Variants in PCDH7 observed in about 807,000 individuals in gnomAD.
PCDH7 encodes the protein protocadherin 7.
PCDH7 carries 17 observed loss-of-function variants against 58.9 expected under a neutral mutation model. That is an observed-to-expected ratio of 0.29 (90% CI 0.20 to 0.43). The LOEUF is 0.43. PCDH7 is among the 20% of genes least tolerant of loss of function. The probability of loss-of-function intolerance (pLI) is 1.00; values close to 1 mark genes in which losing one functional copy is unlikely to be tolerated. For missense variants in PCDH7, 1,274 were observed against 1,441.0 expected (o/e 0.88, Z 1.88); for synonymous variants, 664 against 616.4 (o/e 1.08, Z -1.14).
At chr4:31,066,813 T>G (rs2109246256) in intron 3 of PCDH7, among the ~76,000 whole-genome samples, 1 of 152,098 alleles carries the variant, frequency 6.6e-6, no homozygotes, top group African/African-American at 2.4e-5. Context: ...CCTTTAACTC[T>G]CCACCTCCAA....
chr4:30,828,056 A>G (rs1488077349), intron 1 of PCDH7, among the ~76,000 whole-genome samples: 4 of 152,086 alleles, frequency 2.6e-5, no homozygotes, highest in Admixed American at 2.6e-4. Context: ...CCTACTTCAT[A>G]TGGTTGTTGG....
intron 2 of PCDH7, among the ~76,000 whole-genome samples, chr4:30,940,735 C>T (rs565586039): frequency 1.3e-5 from 2 of 151,904 alleles, no homozygotes; most frequent in South Asian, 4.1e-4. Context: ...ATAGCAGGCT[C>T]TTATGCTGTT....
chr4:30,810,616 CTTT>C (rs61597613), intron 1 of PCDH7, among the ~76,000 whole-genome samples: 1 of 140,284 alleles, frequency 7.1e-6, no homozygotes, highest in Non-Finnish European at 1.6e-5. Flanking sequence ...TTCTCATTTT[CTTT>C]TTTTTTTTTT....
At chr4:31,027,783 A>G (rs1359457070) in intron 3 of PCDH7, among the ~76,000 whole-genome samples, 1 of 152,232 alleles carries the variant, frequency 6.6e-6, no homozygotes, top group Non-Finnish European at 1.5e-5. Context: ...TATATTTGAC[A>G]TTAAAATGGA....
At chr4:31,114,337 T>C (rs16884364) in intron 3 of PCDH7, among the ~76,000 whole-genome samples, 6,103 of 152,186 alleles carry the variant, frequency 0.04, 164 homozygotes, top group South Asian at 0.1. Context: ...TTATTTAAAA[T>C]ATCCAGAATC....
intron 1 of PCDH7, among the ~76,000 whole-genome samples, chr4:30,823,121 G>T (rs1459481462): frequency 2.6e-5 from 4 of 152,146 alleles, no homozygotes; most frequent in Non-Finnish European, 5.9e-5. Flanking sequence ...CATGGAGATT[G>T]TCCTGTGCAA....
In PCDH7 at chr4:30,929,415, A is replaced by T. The variant is rs1560509919; in HGVS notation, c.287+9046A>T. On this transcript the variant is annotated intron_variant, in intron 2 of 3. Coordinates refer to the PCDH7 transcript ENST00000509759. Reference sequence around the variant, plus strand: ...AATATACGCAGGTAGATTTTTTGGCATTAAGTCTCATTATCATGTATGTCT... The same window carrying T: ...AATATACGCAGGTAGATTTTTTGGCTTTAAGTCTCATTATCATGTATGTCT... Among the ~76,000 whole-genome samples, 3 of 152,112 alleles carry T rather than the reference A, an allele frequency of 2.0e-5. No homozygotes were observed. The South Asian group carries it at 6.2e-4, about 31-fold the overall frequency.
At chr4:30,748,384 G>C (rs1214100136) in intron 1 of PCDH7, among the ~76,000 whole-genome samples, 1 of 152,086 alleles carries the variant, frequency 6.6e-6, no homozygotes, top group Non-Finnish European at 1.5e-5. Context: ...GATTTATTTG[G>C]CTCACAGTTC....
At chr4:30,869,198 G>A (rs545247481) in intron 1 of PCDH7, 2 of 152,160 alleles carry the variant, frequency 1.3e-5, no homozygotes, top group African/African-American at 4.8e-5. Context: ...AAAGAATTTT[G>A]TTAACAAGAA....
At chr4:31,119,954 T>C (rs1717465092) in intron 3 of PCDH7, among the ~76,000 whole-genome samples, 1 of 151,938 alleles carries the variant, frequency 6.6e-6, no homozygotes, top group African/African-American at 2.4e-5. Flanking sequence ...TCAGGTTTTT[T>C]TTTTTTCCAT....
At chr4:31,058,289 C>A (rs1018912549) in intron 3 of PCDH7, among the ~76,000 whole-genome samples, 1 of 152,010 alleles carries the variant, frequency 6.6e-6, no homozygotes, top group Non-Finnish European at 1.5e-5. Context: ...TTACTGTATT[C>A]TTTGTTTTAA....
intron 1 of PCDH7, among the ~76,000 whole-genome samples, chr4:30,917,756 T>C (rs895299672): frequency 6.6e-6 from 1 of 152,084 alleles, no homozygotes; most frequent in Non-Finnish European, 1.5e-5. Flanking sequence ...ACATTACAGA[T>C]AAATCATTAT....
At chr4:30,982,113 G>A (rs940009062) in intron 3 of PCDH7, among the ~76,000 whole-genome samples, 5 of 152,272 alleles carry the variant, frequency 3.3e-5, no homozygotes, top group South Asian at 2.1e-4. Flanking sequence ...GTATATGTTA[G>A]TTAGCTCAAT....
At chr4:31,116,930 G>A (rs1717067038) in intron 3 of PCDH7, among the ~76,000 whole-genome samples, 1 of 152,096 alleles carries the variant, frequency 6.6e-6, no homozygotes, top group Admixed American at 6.6e-5. Flanking sequence ...CTGCCTCCTG[G>A]GTTCAAGTGA....
chr4:30,761,045 T>C (rs1015892157), intron 1 of PCDH7, among the ~76,000 whole-genome samples: 1 of 152,222 alleles, frequency 6.6e-6, no homozygotes, highest in Non-Finnish European at 1.5e-5. Context: ...AAGGAACTGC[T>C]CTCTGTTTAA....
At chr4:31,140,320 A>T (rs1324821593) in intron 3 of PCDH7, among the ~76,000 whole-genome samples, 1 of 152,134 alleles carries the variant, frequency 6.6e-6, no homozygotes, top group South Asian at 2.1e-4. Context: ...AAGTGAAATG[A>T]CATATTGTGT....
In PCDH7 at chr4:30,998,121, A is replaced by G. The variant is rs79925241; in HGVS notation, c.*7+47906A>G. ...AGAGTTTTAGTTTTATAAAACTTAT[A>G]TTACAAGAGTTCTATTGCCCATGTG... On this transcript the variant is annotated intron_variant, in intron 3 of 3. Transcript: ENST00000509759. Among the ~76,000 whole-genome samples the G allele has an allele frequency of 1.9e-3, 285 of 152,296 alleles. 1 individual carries two copies. The highest frequency in any genetic ancestry group is 6.5e-3 in the African/African-American group (271 of 41,578).
chr4:30,769,325 AG>A (rs1721112198), intron 1 of PCDH7, among the ~76,000 whole-genome samples: 1 of 152,202 alleles, frequency 6.6e-6, no homozygotes, highest in Admixed American at 6.5e-5. Flanking sequence ...TCAGGTGTGG[AG>A]ACACTGCAGA....
At chr4:30,907,624 A>C (rs1048456184) in intron 1 of PCDH7, among the ~76,000 whole-genome samples, 1 of 152,196 alleles carries the variant, frequency 6.6e-6, no homozygotes, top group Non-Finnish European at 1.5e-5. Context: ...GGATGTAGAG[A>C]AATAGGAATG....
Sources: gnomAD v4.1 joint callset for allele counts (sites outside exome capture counted in the v4.1 genomes callset) on GRCh38, gnomAD v4.1.1 for gene constraint, MANE v1.5 for transcripts, NCBI Gene and HGNC (gene_info 2026-07-23, HGNC 2026-07-21) for gene names.